LSAMP: variants seen among roughly 807,000 people sequenced by gnomAD.
LSAMP encodes limbic system-associated membrane protein.
LSAMP carries 7 observed loss-of-function variants against 38.6 expected under a neutral mutation model. That is an observed-to-expected ratio of 0.18 (90% CI 0.10 to 0.34). LSAMP has a LOEUF of 0.34. LSAMP is among the 10% of genes least tolerant of loss of function. The pLI is 1.00. For missense variants in LSAMP, 313 were observed against 420.0 expected, an observed-to-expected ratio of 0.75 and a Z score of 2.23; for synonymous variants, 154 against 166.8, an observed-to-expected ratio of 0.92 and a Z score of 0.59.
chr3:116,001,964 G>T (rs771719623), intron 3 of LSAMP, among the ~76,000 whole-genome samples: 2 of 152,106 alleles, frequency 1.3e-5, no homozygotes, highest in Admixed American at 6.5e-5. Flanking sequence ...TCATTATTCT[G>T]TCTATCACCC....
intron 4 of LSAMP, 133 bp from the exon 5 acceptor site, chr3:115,842,711 G>T: frequency 9.2e-7 from 1 of 1,086,352 alleles, no homozygotes; most frequent in Non-Finnish European, 1.3e-6. Flanking sequence ...CCATTTGTAT[G>T]AATTATGTGA....
intron 1 of LSAMP, among the ~76,000 whole-genome samples, chr3:116,116,462 C>T (rs947947386): frequency 3.3e-5 from 5 of 149,732 alleles, no homozygotes; most frequent in African/African-American, 7.4e-5. Flanking sequence ...TTTGGGAGGC[C>T]GAGGCAGGCG....
intron 3 of LSAMP, among the ~76,000 whole-genome samples, chr3:115,918,457 T>C (rs541018338): frequency 6.6e-6 from 1 of 152,168 alleles, no homozygotes; most frequent in Non-Finnish European, 1.5e-5. Flanking sequence ...AATAGCCTGC[T>C]AAATTTTGAG....
At chr3:116,378,105 C>A (rs1164892724) in intron 1 of LSAMP, among the ~76,000 whole-genome samples, 1 of 152,070 alleles carries the variant, frequency 6.6e-6, no homozygotes, top group Non-Finnish European at 1.5e-5. Context: ...AGAACTGTTT[C>A]TCTCCTTCAC....
At chr3:116,410,350 T>A (rs2048955544) in intron 1 of LSAMP, among the ~76,000 whole-genome samples, 1 of 152,044 alleles carries the variant, frequency 6.6e-6, no homozygotes, top group South Asian at 2.1e-4. Context: ...AGTGTCATGT[T>A]ATTCTAATGG....
rs189395786 is a variant in LSAMP, at chr3:116,088,444, C to T, written c.156-1888G>A. On this transcript the variant is annotated intron_variant, in intron 1 of 6. Transcript: ENST00000490035. ...GACTCAGTTTTACTTTTGCTGTTCT[C>T]CTCTCTTGTGGCATCATTTCTCTGT... Among the ~76,000 whole-genome samples the T allele has an allele frequency of 6.6e-5, 10 of 152,132 alleles. No homozygotes were observed. In the East Asian group the frequency reaches 1.9e-3, roughly 29 times the overall value.
chr3:116,326,389 A>C (rs183865505), intron 1 of LSAMP, among the ~76,000 whole-genome samples: 40 of 152,254 alleles, frequency 2.6e-4, no homozygotes, highest in Non-Finnish European at 5.1e-4. Flanking sequence ...ACCAGATCTG[A>C]TTCCTTTGAA....
chr3:116,296,694 C>CAAAAAAAAA (rs10659032), intron 1 of LSAMP, among the ~76,000 whole-genome samples: 2 of 59,698 alleles, frequency 3.4e-5, no homozygotes, highest in African/African-American at 6.6e-5. Flanking sequence ...GACTCTGTCT[C>CAAAAAAAAA]AAAAAAAAAA....
chr3:115,890,000 T>G (rs1425558056), intron 3 of LSAMP, among the ~76,000 whole-genome samples: 2 of 152,010 alleles, frequency 1.3e-5, no homozygotes, highest in African/African-American at 4.8e-5. Flanking sequence ...TTGCAGACAC[T>G]GCATACCTAA....
chr3:116,133,221 T>G (rs1425794516), intron 1 of LSAMP, among the ~76,000 whole-genome samples: 1 of 152,144 alleles, frequency 6.6e-6, no homozygotes, highest in Admixed American at 6.5e-5. Context: ...TTAAACTTGG[T>G]GAATCTCTTT....
At chr3:115,945,721 G>GA (rs201346675) in intron 3 of LSAMP, among the ~76,000 whole-genome samples, 7 of 151,134 alleles carry the variant, frequency 4.6e-5, no homozygotes, top group South Asian at 2.1e-4. Context: ...TTAGCTTTAA[G>GA]AAAAAAAAAT....
intron 3 of LSAMP, among the ~76,000 whole-genome samples, chr3:115,957,457 T>A (rs991173367): frequency 1.1e-4 from 17 of 152,140 alleles, no homozygotes; most frequent in South Asian, 4.1e-4. Flanking sequence ...ATTTTTTTTT[T>A]AATCTCTTAT....
In LSAMP at chr3:116,070,599, T is replaced by A. The variant is rs145128782; in HGVS notation, c.388+15725A>T. On this transcript the variant is annotated intron_variant, in intron 2 of 6. Coordinates refer to ENST00000490035, the MANE Select transcript of LSAMP (RefSeq NM_002338.5). The stretch of plus-strand genomic sequence containing the variant: ...TTTTTAAAATTTAAATTAGAAATTT[T>A]ATGCAGGAAATTGTTTATTCTGCAA... 6.5e-3 allele frequency among the ~76,000 whole-genome samples: 986 copies of A among 152,330 alleles called. 10 individuals carry two copies. Among genetic ancestry groups the A allele is most frequent in the African/African-American group, 0.022 (933 of 41,568 alleles).
intron 3 of LSAMP, among the ~76,000 whole-genome samples, chr3:115,897,692 G>T (rs1232053143): frequency 6.6e-6 from 1 of 152,022 alleles, no homozygotes; most frequent in African/African-American, 2.4e-5. Flanking sequence ...CAGAAAGAAG[G>T]GTGTGTGACA....
In LSAMP at chr3:116,444,777, AAGG is replaced by A. The variant is rs2107896041; in HGVS notation, c.155+97_155+99del. 17 of 1,470,970 alleles carry A rather than the reference AAGG, an allele frequency of 1.2e-5. No individual in the cohort carries two copies. In the South Asian group the frequency reaches 2.0e-4, roughly 17 times the overall value. 91.1% of individuals were successfully genotyped at this position (1,470,970 alleles called of 1,614,324 possible). A position where few individuals can be genotyped will look rare whatever the true frequency, so the allele number is the denominator to read the frequency against. The stretch of plus-strand genomic sequence containing the variant: ...CCTGCAGCATCAGGAGCTGGAGTTC[AAGG>A]AGATCAGACACACACACACACACAC... On this transcript the variant is annotated intron_variant, in intron 1 of 6. Transcript: ENST00000490035.
chr3:116,122,031 T>C (rs929025495), intron 1 of LSAMP, among the ~76,000 whole-genome samples: 1 of 152,140 alleles, frequency 6.6e-6, no homozygotes. Context: ...GTTCATTATT[T>C]CACTATACTC....
At chr3:116,318,734 A>G (rs1185173332) in intron 1 of LSAMP, among the ~76,000 whole-genome samples, 1 of 152,254 alleles carries the variant, frequency 6.6e-6, no homozygotes, top group Non-Finnish European at 1.5e-5. Context: ...TTATATTTGG[A>G]TACTGTAACC....
At chr3:116,225,105 C>T (rs2046328294) in intron 1 of LSAMP, among the ~76,000 whole-genome samples, 1 of 151,288 alleles carries the variant, frequency 6.6e-6, no homozygotes, top group African/African-American at 2.4e-5. Context: ...TGTAGATTCA[C>T]TAGTGGCCCC....
At chr3:116,136,389 A>G (rs1709248243) in intron 1 of LSAMP, among the ~76,000 whole-genome samples, 2 of 152,180 alleles carry the variant, frequency 1.3e-5, no homozygotes, top group Non-Finnish European at 2.9e-5. Flanking sequence ...ACATGTGCAC[A>G]GATGTCAACC....
Sources: gnomAD v4.1 joint callset for allele counts (sites outside exome capture counted in the v4.1 genomes callset) on GRCh38, gnomAD v4.1.1 for gene constraint, MANE v1.5 for transcripts, NCBI Gene and HGNC (gene_info 2026-07-23, HGNC 2026-07-21) for gene names.